The following POLR3D variants were observed in gnomAD, a reference collection of about 807,000 sequenced individuals.
The protein encoded by POLR3D is RNA polymerase III subunit D, also known as DNA-directed RNA polymerase III subunit RPC4.
In POLR3D, 42 loss-of-function variants were observed where a neutral mutation model predicts 44.5. That is an observed-to-expected ratio of 0.94 (90% CI 0.74 to 1.22). The LOEUF (loss-of-function observed/expected upper bound fraction) is 1.22, where lower values mean the gene tolerates loss of function less well. Among genes scored for constraint, POLR3D ranks in the 50% most tolerant of loss-of-function variants. The probability of loss-of-function intolerance (pLI) is 0.00; values close to 1 mark genes in which losing one functional copy is unlikely to be tolerated. For missense variants in POLR3D, 507 were observed against 505.2 expected (o/e 1.00, Z -0.03); for synonymous variants, 217 against 198.1 (o/e 1.10, Z -0.80).
In POLR3D at chr8:22,245,194, G is replaced by A. The variant is rs1298650956; in HGVS notation, c.-6+11G>A. The A allele has an allele frequency of 1.7e-6, 1 of 578,828 alleles. No homozygotes were observed. The highest frequency in any genetic ancestry group is 3.0e-5 in the East Asian group (1 of 33,642). The allele number at this position is 578,828 out of a possible 1,614,324, so 35.9% of individuals were successfully genotyped here. On this transcript the variant is annotated intron_variant, in intron 1 of 8. Transcript: ENST00000306433. ...CTGGTCGCGTTGCAGGTGAGGTTGT[G>A]ACGCGCGGTGTGGAGCCGCGGCCCG...
At chr8:22,249,967 C>T (rs1333893058) in intron 7 of POLR3D, 108 bp from the exon 8 acceptor site, 1 of 1,248,336 alleles carries the variant, frequency 8.0e-7, no homozygotes, top group Non-Finnish European at 1.1e-6. Flanking sequence ...CTTTGGGGAG[C>T]TCATTTTGAC....
chr8:22,247,330 GA>G, intron 3 of POLR3D, 66 bp downstream of exon 3: 1 of 1,237,454 alleles, frequency 8.1e-7, no homozygotes, highest in Non-Finnish European at 1.2e-6. Flanking sequence ...GGCTTTGGGG[GA>G]AATAACTAGG....
At chr8:22,247,776 G>C in intron 3 of POLR3D, 81 bp from the exon 4 acceptor site, 4 of 1,320,100 alleles carry the variant, frequency 3.0e-6, no homozygotes, top group Non-Finnish European at 4.3e-6. Context: ...CTGTTTTGGA[G>C]TGAAGTGGTA....
At chr8:22,246,801 G>T (rs769973377) in intron 2 of POLR3D, among the ~76,000 whole-genome samples, 13 of 152,220 alleles carry the variant, frequency 8.5e-5, no homozygotes, top group Non-Finnish European at 1.2e-4. Flanking sequence ...ACAGTCCATA[G>T]TCACCTGATT....
chr8:22,250,801 A>C lies in POLR3D; in HGVS notation c.*283A>C. ...AATCTCTTCCACTGATGCATCCTCC[A>C]AGGGTAGATGGGGAGGGTCTGTGTG... On this transcript the variant is annotated 3_prime_UTR_variant, in exon 9 of 9. Transcript: ENST00000306433. 1.5e-5 allele frequency: 6 copies of C among 394,460 alleles called. No homozygotes were observed. Among genetic ancestry groups the C allele is most frequent in the African/African-American group, 2.0e-5 (1 of 48,864 alleles). The allele number at this position is 394,460 out of a possible 1,614,324, so 24.4% of individuals were successfully genotyped here.
rs375225556 is a variant in POLR3D at position 22,251,068 on chromosome 8, C to T, written c.*550C>T. Reference sequence around the variant, plus strand: ...CGACACAAATGGGGATGATACCTACCTCCAGGGTTGGCGTGAGGATTCATG... The same window carrying T: ...CGACACAAATGGGGATGATACCTACTTCCAGGGTTGGCGTGAGGATTCATG... On this transcript the variant is annotated 3_prime_UTR_variant, in exon 9 of 9. Transcript: ENST00000306433. The T allele has an allele frequency of 6.4e-6, 1 of 155,982 alleles. No homozygotes were observed. Among genetic ancestry groups the T allele is most frequent in the African/African-American group, 2.4e-5 (1 of 41,482 alleles). The allele number at this position is 155,982 out of a possible 1,614,324, so 9.7% of individuals were successfully genotyped here. A position where few individuals can be genotyped will look rare whatever the true frequency, so the allele number is the denominator to read the frequency against.
In POLR3D at chr8:22,248,234, G is replaced by A. The variant is rs1408926628; in HGVS notation, c.442G>A (p.Asp148Asn). The A allele has an allele frequency of 2.5e-6, 4 of 1,614,214 alleles. No individual in the cohort carries two copies. The highest frequency in any genetic ancestry group is 3.4e-6 in the Non-Finnish European group (4 of 1,180,050). The change falls in exon 5 of 9, where the codon GAC becomes AAC. Residue 148 changes from aspartate to asparagine, a missense_variant. Transcript: ENST00000306433. ...INIKKEKRET[D>N]EETKQILRML... ...CATCAAAAAAGAGAAGAGAGAGACA[G>A]ACGAAGAAACTAAACAGATCTTGCG...
chr8:22,249,171 C>A lies in POLR3D; in HGVS notation c.783C>A (p.Thr261=). 1 of 1,614,090 alleles carries A rather than the reference C, an allele frequency of 6.2e-7. No homozygotes were observed. The highest frequency in any genetic ancestry group is 8.5e-7 in the Non-Finnish European group (1 of 1,179,996). Residue 261 remains threonine (T), a synonymous_variant, in exon 7 of 9, where the codon ACC becomes ACA. Coordinates refer to ENST00000306433, the MANE Select transcript of POLR3D (RefSeq NM_001722.3). ...VAELLRELSL[T]KEEELLFLQL... ...AGCTGCTGAGGGAGCTGAGCCTCACCAAGGAAGAGGAACTGCTGTTTCTGC... is the reference window on the plus strand; with the variant it reads ...AGCTGCTGAGGGAGCTGAGCCTCACAAAGGAAGAGGAACTGCTGTTTCTGC...
rs1469533659 is a variant in POLR3D at position 22,247,220 on chromosome 8, GA to G, written c.169del (p.Thr57ProfsTer19). ...CAGTGACTCCTGTATTTTGCTTTCA[GA>G]AAACCTTCACCCCAAATATCATCAG... ...RDLTLGGVKKKTFTPNIISRK... is the reference protein window; with the variant it reads ...RDLTLGGVKKXTFTPNIISRK... On this transcript the variant is annotated frameshift_variant and splice_region_variant, in exon 3 of 9. Transcript: ENST00000306433. LOFTEE classifies it high-confidence loss of function. 9 of 1,612,630 alleles carry G rather than the reference GA, an allele frequency of 5.6e-6. No individual in the cohort carries two copies. The highest frequency in any genetic ancestry group is 6.8e-6 in the Non-Finnish European group (8 of 1,178,992).
At chr8:22,245,643 T>C in intron 2 of POLR3D, 29 bp downstream of exon 2, 4 of 1,237,508 alleles carry the variant, frequency 3.2e-6, no homozygotes, top group Non-Finnish European at 4.1e-6. Flanking sequence ...CTAAAGAAAC[T>C]CAACTACCTT....
Position 22,247,940 on chromosome 8 carries a change from G to A in POLR3D, c.293G>A (p.Gly98Asp). The A allele has an allele frequency of 1.2e-6, 2 of 1,614,106 alleles. No homozygotes were observed. Among genetic ancestry groups the A allele is most frequent in the Non-Finnish European group, 1.7e-6 (2 of 1,179,992 alleles). ...RQREGHGRGRGRPEVIQSHSI... is the reference protein window; with the variant it reads ...RQREGHGRGRDRPEVIQSHSI... ...CGAGAGGGGCATGGACGAGGGCGAG[G>A]CCGTCCAGAAGTGATCCAGTCTCAC... Residue 98 changes from glycine (G) to aspartate (D), a missense_variant, in exon 4 of 9, where the codon GGC becomes GAC. Physicochemically the swap from Gly to Asp is moderately conservative, Grantham distance 94. Coordinates refer to ENST00000306433, the MANE Select transcript of POLR3D (RefSeq NM_001722.3).
chr8:22,247,025 C>T (rs1830050441), intron 2 of POLR3D, among the ~76,000 whole-genome samples, 196 bp from the exon 3 acceptor site: 2 of 152,250 alleles, frequency 1.3e-5, no homozygotes, highest in African/African-American at 4.8e-5. Context: ...CTATGTGTAA[C>T]TCCACTGCTA....
rs758709955 is a variant in POLR3D at position 22,250,087 on chromosome 8, G to A, written c.934G>A (p.Ala312Thr). ...GTTTTCTCCGCAGGAAGCCAAATTG[G>A]CAGAGAATGCTTGTACCCTGGCTGA... The part of the protein sequence containing the change: ...KQEKDREAKL[A>T]ENACTLADLT... The change falls in exon 8 of 9, where the codon GCA becomes ACA. Residue 312 changes from alanine (A) to threonine (T), a missense_variant. Transcript: ENST00000306433. The A allele has an allele frequency of 3.2e-5, 52 of 1,613,970 alleles. 1 individual carries two copies. The South Asian group carries it at 5.3e-4, about 16-fold the overall frequency.
At chr8:22,250,364 T>A in intron 8 of POLR3D, 32 bp from the exon 9 acceptor site, 1 of 1,613,962 alleles carries the variant, frequency 6.2e-7, no homozygotes, top group Non-Finnish European at 8.5e-7. Context: ...CACGTGGTGG[T>A]GGTTCTCATC....
intron 7 of POLR3D, 127 bp downstream of exon 7, chr8:22,249,436 G>T: frequency 1.1e-6 from 1 of 938,464 alleles, no homozygotes; most frequent in Non-Finnish European, 1.6e-6. Context: ...TATTCTTGAC[G>T]CCTGCAAGAG....
intron 3 of POLR3D, among the ~76,000 whole-genome samples, chr8:22,247,469 G>A (rs976405102): frequency 7.2e-5 from 11 of 152,216 alleles, no homozygotes; most frequent in African/African-American, 2.6e-4. Flanking sequence ...GGTGTCTAGG[G>A]TTCCATCTTT....
chr8:22,247,143 C>T (rs1449791405), intron 2 of POLR3D, 78 bp from the exon 3 acceptor site: 9 of 1,099,302 alleles, frequency 8.2e-6, no homozygotes, highest in East Asian at 2.4e-5. Flanking sequence ...TAGAAGATGC[C>T]CTTTGGGAAT....
At chr8:22,245,297 C>G (rs1250971955) in intron 1 of POLR3D, 114 bp downstream of exon 1, 2 of 545,512 alleles carry the variant, frequency 3.7e-6, no homozygotes, top group Non-Finnish European at 6.1e-6. Flanking sequence ...CCTGGGTGGT[C>G]CCGGGAGTCT....
chr8:22,249,994 T>C, intron 7 of POLR3D, 81 bp from the exon 8 acceptor site: 1 of 1,521,576 alleles, frequency 6.6e-7, no homozygotes, highest in Non-Finnish European at 9.0e-7. Context: ...TGTGCCTTTC[T>C]CTTGGGGAGT....
Sources: gnomAD v4.1 joint callset for allele counts (sites outside exome capture counted in the v4.1 genomes callset) on GRCh38, gnomAD v4.1.1 for gene constraint, MANE v1.5 for transcripts, NCBI Gene and HGNC (gene_info 2026-07-23, HGNC 2026-07-21) for gene names.